MBNL2: variants seen among roughly 807,000 people sequenced by gnomAD.
MBNL2 encodes muscleblind-like protein 2.
In MBNL2, 17 loss-of-function variants were observed where a neutral mutation model predicts 41.9. The observed-to-expected ratio is 0.41, with a 90% CI of 0.28 to 0.61. The LOEUF (loss-of-function observed/expected upper bound fraction) is 0.61, where lower values mean the gene tolerates loss of function less well. MBNL2 is among the 20% of genes least tolerant of loss of function. The probability of loss-of-function intolerance (pLI) is 0.35; values close to 1 mark genes in which losing one functional copy is unlikely to be tolerated. For synonymous variants in MBNL2, 195 were observed against 182.9 expected (o/e 1.07, Z -0.53); for missense variants, 336 against 505.6 (o/e 0.66, Z 3.22).
intron 8 of MBNL2, among the ~76,000 whole-genome samples, chr13:97,388,948 G>A (rs1180845025): frequency 2.0e-5 from 3 of 152,192 alleles, no homozygotes; most frequent in Non-Finnish European, 4.4e-5. Flanking sequence ...TGCCAAGAGT[G>A]TGATTCGTTT....
intron 1 of MBNL2, among the ~76,000 whole-genome samples, chr13:97,224,158 A>G (rs565968840): frequency 5.3e-5 from 8 of 151,900 alleles, no homozygotes; most frequent in African/African-American, 1.9e-4. Flanking sequence ...TTCTGGCCTG[A>G]CTCCCCCTTG....
chr13:97,369,513 A>T (rs1458084648), intron 8 of MBNL2, among the ~76,000 whole-genome samples: 1 of 152,222 alleles, frequency 6.6e-6, no homozygotes, highest in Non-Finnish European at 1.5e-5. Flanking sequence ...TTCTGTCTTT[A>T]ACACAAAATA....
chr13:97,343,157 C>T lies in MBNL2; in HGVS notation c.481C>T (p.Pro161Ser), dbSNP rs2061564650. The T allele has an allele frequency of 5.6e-6, 9 of 1,614,006 alleles. No individual in the cohort carries two copies. Among genetic ancestry groups the T allele is most frequent in the Admixed American group, 3.3e-5 (2 of 60,010 alleles). Reference protein sequence around the residue: ...TTPVIVPGSPPVTVPGSTATQ... With the variant: ...TTPVIVPGSPSVTVPGSTATQ... ...GCCTGTTATTGTTCCCGGAAGTCCACCGGTCACTGTCCCGGGCTCAACTGC... is the reference window on the plus strand; with the variant it reads ...GCCTGTTATTGTTCCCGGAAGTCCATCGGTCACTGTCCCGGGCTCAACTGC... Residue 161 changes from proline (P) to serine (S), a missense_variant, in exon 4 of 9, where the codon CCG (proline) becomes TCG (serine). By Grantham distance (74) the Pro-to-Ser change is moderately conservative. Transcript: ENST00000679496.
intron 1 of MBNL2, among the ~76,000 whole-genome samples, chr13:97,244,377 G>A (rs2044997072): frequency 6.6e-6 from 1 of 152,220 alleles, no homozygotes; most frequent in Admixed American, 6.5e-5. Context: ...AACCAGGCCA[G>A]TGTCTCGTTA....
intron 5 of MBNL2, among the ~76,000 whole-genome samples, 195 bp from the exon 6 acceptor site, chr13:97,356,601 G>A (rs2063009257): frequency 1.3e-5 from 2 of 152,118 alleles, no homozygotes; most frequent in Non-Finnish European, 2.9e-5. Context: ...TTTCTTTAGA[G>A]AACATTTTTG....
chr13:97,217,903 G>T (rs1408716265), upstream of MBNL2, among the ~76,000 whole-genome samples: 1 of 151,874 alleles, frequency 6.6e-6, no homozygotes, highest in Non-Finnish European at 1.5e-5. Context: ...GAGAGGAGTG[G>T]ATAGATTCCA....
chr13:97,339,936 A>C (rs537013148), intron 3 of MBNL2, among the ~76,000 whole-genome samples: 1 of 151,592 alleles, frequency 6.6e-6, no homozygotes, highest in East Asian at 1.9e-4. Flanking sequence ...TAGTAATCGC[A>C]GAAGAGTGGA....
chr13:97,295,012 A>G (rs2056799995), intron 2 of MBNL2, among the ~76,000 whole-genome samples: 1 of 152,228 alleles, frequency 6.6e-6, no homozygotes, highest in Non-Finnish European at 1.5e-5. Flanking sequence ...ATGTTATGGT[A>G]TCATTGTGAG....
chr13:97,205,348 C>T, the MBNL2 span, among the ~76,000 whole-genome samples: 1 of 151,146 alleles, frequency 6.6e-6, no homozygotes, highest in South Asian at 2.1e-4. Context: ...TGAGATTGCG[C>T]CACTGCACTC....
At position 97,227,065 on chromosome 13, in the gene MBNL2, CAAAAAA is replaced by C. The variant is rs5806007; in HGVS notation, c.-605+4541_-605+4546del. 7.0e-5 allele frequency among the ~76,000 whole-genome samples: 10 copies of C among 143,872 alleles called. No individual in the cohort carries two copies. The East Asian group carries it at 2.0e-3, about 29-fold the overall frequency. 94.4% of individuals were successfully genotyped at this position (143,872 alleles called of 152,430 possible). On this transcript the variant is annotated intron_variant, in intron 1 of 8. Coordinates refer to ENST00000679496, the MANE Select transcript of MBNL2 (RefSeq NM_001382683.1). ...CAAAAAAAAAAAACAAAAAAAAAAT[CAAAAAA>C]AAAAAATATATTTCCTTTTGAAACA...
At chr13:97,290,744 A>T (rs961632178) in intron 2 of MBNL2, among the ~76,000 whole-genome samples, 1 of 151,892 alleles carries the variant, frequency 6.6e-6, no homozygotes, top group Non-Finnish European at 1.5e-5. Flanking sequence ...TTATTTATTT[A>T]CCTACTATGA....
chr13:97,320,381 C>T (rs1391171356), intron 2 of MBNL2, among the ~76,000 whole-genome samples: 5 of 151,706 alleles, frequency 3.3e-5, no homozygotes, highest in Non-Finnish European at 5.9e-5. Context: ...CTCAGCCTCC[C>T]GAGTAGCTGG....
chr13:97,281,652 TTGAG>T (rs1201014540), intron 2 of MBNL2, among the ~76,000 whole-genome samples: 3 of 152,228 alleles, frequency 2.0e-5, no homozygotes, highest in African/African-American at 4.8e-5. Context: ...CAGAAATTGT[TTGAG>T]TATTTTCTAA....
At chr13:97,285,066 C>T (rs2054159897) in intron 2 of MBNL2, among the ~76,000 whole-genome samples, 1 of 152,106 alleles carries the variant, frequency 6.6e-6, no homozygotes, top group African/African-American at 2.4e-5. Flanking sequence ...ATATTCTATT[C>T]TTTCTAAAAA....
intron 1 of MBNL2, among the ~76,000 whole-genome samples, chr13:97,241,749 C>T (rs995831298): frequency 1.1e-4 from 16 of 152,116 alleles, no homozygotes; most frequent in Admixed American, 9.8e-4. Flanking sequence ...TGAGACCAAC[C>T]CTATTTCACT....
chr13:97,185,340 T>G, the MBNL2 span, among the ~76,000 whole-genome samples: 1 of 152,074 alleles, frequency 6.6e-6, no homozygotes, highest in African/African-American at 2.4e-5. Context: ...GAGAATCAGG[T>G]TTTTCCAGAA....
the MBNL2 span, among the ~76,000 whole-genome samples, chr13:97,174,762 T>C: frequency 6.6e-6 from 1 of 152,100 alleles, no homozygotes; most frequent in Non-Finnish European, 1.5e-5. Context: ...AGAAGGTTTC[T>C]TTTCTGGAAA....
rs547025578 is a variant in MBNL2, at chr13:97,293,042, A to C, written c.174+16633A>C. Among the ~76,000 whole-genome samples, 64 of 126,296 alleles carry C rather than the reference A, an allele frequency of 5.1e-4. 1 individual carries two copies. The highest frequency in any genetic ancestry group is 1.9e-3 in the African/African-American group (61 of 31,970). 82.9% of individuals were successfully genotyped at this position (126,296 alleles called of 152,430 possible). On this transcript the variant is annotated intron_variant, in intron 2 of 8. Coordinates refer to ENST00000679496, the MANE Select transcript of MBNL2 (RefSeq NM_001382683.1). ...TACAAAGGACAAATTATTTTATCTC[A>C]TCATCATTATTATTATTTTTACTTC... is the stretch of plus-strand genomic sequence containing the variant.
intron 5 of MBNL2, among the ~76,000 whole-genome samples, chr13:97,353,938 G>C (rs746977398): frequency 4.6e-5 from 7 of 150,860 alleles, no homozygotes; most frequent in Non-Finnish European, 1.0e-4. Context: ...GATCATTGTT[G>C]TCAGTGTTTT....
Sources: gnomAD v4.1 joint callset for allele counts (sites outside exome capture counted in the v4.1 genomes callset) on GRCh38, gnomAD v4.1.1 for gene constraint, MANE v1.5 for transcripts, NCBI Gene and HGNC (gene_info 2026-07-23, HGNC 2026-07-21) for gene names.